PCDHGB1: variants seen among roughly 807,000 people sequenced by gnomAD.
PCDHGB1 encodes the protein protocadherin gamma-B1.
Under a neutral mutation model 56.6 loss-of-function variants are expected in PCDHGB1, and 34 were observed. The ratio of observed to expected loss-of-function variants is 0.60; its 90% CI spans 0.46 to 0.80. PCDHGB1 has a LOEUF of 0.80. Among genes scored for constraint, PCDHGB1 ranks in the 30% least tolerant of loss-of-function variants. The pLI, the probability that PCDHGB1 is intolerant of heterozygous loss-of-function variation, is 0.00. For synonymous variants in PCDHGB1, 561 were observed against 505.9 expected, an observed-to-expected ratio of 1.11 and a Z score of -1.46; for missense variants, 1,278 against 1,204.6, an observed-to-expected ratio of 1.06 and a Z score of -0.90.
intron 1 of PCDHGB1, chr5:141,385,009 T>G: frequency 6.2e-7 from 1 of 1,614,140 alleles, no homozygotes; most frequent in Non-Finnish European, 8.5e-7. Flanking sequence ...CTCCTGCGTC[T>G]TCCTAGCCTT....
At chr5:141,423,598 C>A in intron 1 of PCDHGB1, 1 of 1,612,940 alleles carries the variant, frequency 6.2e-7, no homozygotes, top group East Asian at 2.2e-5. Flanking sequence ...GAAAAGCGAG[C>A]CACTCTTGAT....
chr5:141,474,566 G>A (rs2154572064), intron 1 of PCDHGB1, among the ~76,000 whole-genome samples: 1 of 152,336 alleles, frequency 6.6e-6, no homozygotes, highest in Non-Finnish European at 1.5e-5. Flanking sequence ...GGTTTTCAGA[G>A]ATTAATTGAA....
rs2099883762 is a variant in PCDHGB1, at chr5:141,511,396, C to T, written c.*223C>T. 9.8e-7 allele frequency: 1 copy of T among 1,016,834 alleles called. No homozygotes were observed. Among genetic ancestry groups the T allele is most frequent in the South Asian group, 1.7e-5 (1 of 58,996 alleles). The allele number at this position is 1,016,834 out of a possible 1,614,324, so 63.0% of individuals were successfully genotyped here. ...AAGCAGTTCCGCTGGGAACCCCCAT[C>T]CAATCAACTGCTGTACCCATGGGGG... On this transcript the variant is annotated 3_prime_UTR_variant, in exon 4 of 4. Coordinates refer to ENST00000523390, the MANE Select transcript of PCDHGB1 (RefSeq NM_018922.3).
rs745698097 is a variant in PCDHGB1 at position 141,389,267 on chromosome 5, G to C, written c.2409+36598G>C. The C allele has an allele frequency of 3.0e-5, 48 of 1,613,890 alleles. No individual in the cohort carries two copies. The highest frequency in any genetic ancestry group is 4.0e-5 in the Non-Finnish European group (47 of 1,179,898). On this transcript the variant is annotated intron_variant, in intron 1 of 3. Coordinates refer to ENST00000523390, the MANE Select transcript of PCDHGB1 (RefSeq NM_018922.3). ...CTTCCTATATAGTCCACGTGGCCGA[G>C]AACAACCCGCCTGGAGCCTCTATTT...
At chr5:141,470,694 A>T (rs763715272) in intron 1 of PCDHGB1, among the ~76,000 whole-genome samples, 1 of 151,978 alleles carries the variant, frequency 6.6e-6, no homozygotes, top group African/African-American at 2.4e-5. Flanking sequence ...GAAATTCTTA[A>T]TAATTTTTAT....
chr5:141,384,703 G>C lies in PCDHGB1; in HGVS notation c.2409+32034G>C, dbSNP rs776947081. ...GGTGGACAAAGATTCAGGCCAGAAC[G>C]CCTGGCTGTCATACCTCCTGCTTAA... On this transcript the variant is annotated intron_variant, in intron 1 of 3. Transcript: ENST00000523390. 2 of 1,613,982 alleles carry C rather than the reference G, an allele frequency of 1.2e-6. No individual in the cohort carries two copies. Among genetic ancestry groups the C allele is most frequent in the African/African-American group, 1.3e-5 (1 of 74,932 alleles).
chr5:141,400,230 G>A, intron 1 of PCDHGB1: 3 of 1,613,992 alleles, frequency 1.9e-6, no homozygotes, highest in Non-Finnish European at 2.5e-6. Flanking sequence ...TCTTCCTCCT[G>A]GCCGTGATTC....
chr5:141,495,386 G>C (rs2099760934), intron 2 of PCDHGB1, among the ~76,000 whole-genome samples: 1 of 152,214 alleles, frequency 6.6e-6, no homozygotes, highest in Non-Finnish European at 1.5e-5. Context: ...GGACTGGGCG[G>C]GGCATGGAGC....
chr5:141,365,474 A>G, intron 1 of PCDHGB1: 1 of 1,614,006 alleles, frequency 6.2e-7, no homozygotes, highest in Non-Finnish European at 8.5e-7. Flanking sequence ...AAATGGTGAG[A>G]TTGCATGCTC....
chr5:141,445,890 T>C (rs1435563284), intron 1 of PCDHGB1, among the ~76,000 whole-genome samples: 1 of 152,210 alleles, frequency 6.6e-6, no homozygotes, highest in Non-Finnish European at 1.5e-5. Context: ...ACTTAGGAGC[T>C]ATTAAAATAT....
rs1199148713 is a variant in PCDHGB1, at chr5:141,350,631, A to G, written c.371A>G (p.Asn124Ser). ...GTGGTTGTTGTAATCCAAGATATTA[A>G]TGACAATGCACCACGTTTCGTTGCA... ...FHVVVVIQDI[N>S]DNAPRFVAKG... The change falls in exon 1 of 4, where the codon AAT becomes AGT. Residue 124 changes from asparagine (N) to serine (S), a missense_variant. Transcript: ENST00000523390. 1.9e-6 allele frequency: 3 copies of G among 1,613,932 alleles called. No individual in the cohort carries two copies. The highest frequency in any genetic ancestry group is 2.5e-6 in the Non-Finnish European group (3 of 1,179,900).
rs1041367498 is a variant in PCDHGB1 at position 141,489,060 on chromosome 5, T to G, written c.2410-5747T>G. ...CAGCTCCACTCAAATTCAGCTCCCCTCCCCCCTGCCCACCCCCGCCACTCG... is the reference window on the plus strand; with the variant it reads ...CAGCTCCACTCAAATTCAGCTCCCCGCCCCCCTGCCCACCCCCGCCACTCG... On this transcript the variant is annotated intron_variant, in intron 1 of 3. Transcript: ENST00000523390. This position sits in a 1 kb window ranked among gnomAD's most constrained non-coding sequence, Gnocchi z 4.5. The G allele has an allele frequency of 1.7e-5, 5 of 300,224 alleles. No individual in the cohort carries two copies. The highest frequency in any genetic ancestry group is 2.4e-5 in the African/African-American group (1 of 42,484). The allele number at this position is 300,224 out of a possible 1,614,324, so 18.6% of individuals were successfully genotyped here.
intron 1 of PCDHGB1, chr5:141,388,630 T>G (rs754073337): frequency 6.2e-7 from 1 of 1,613,816 alleles, no homozygotes; most frequent in Admixed American, 1.7e-5. Context: ...GTATACAGGG[T>G]GAGCCTTTCA....
chr5:141,467,693 G>A lies in PCDHGB1; in HGVS notation c.2410-27114G>A, dbSNP rs543886467. Among the ~76,000 whole-genome samples the A allele has an allele frequency of 2.0e-4, 30 of 152,110 alleles. No individual in the cohort carries two copies. In the South Asian group the frequency reaches 5.6e-3, roughly 28 times the overall value. On this transcript the variant is annotated intron_variant, in intron 1 of 3. Transcript: ENST00000523390. ...TTTTATTTTTTTTAGACAGGGTCTGGCTCTGTTGCCCAGGCTGGAGTGTAG... is the reference window on the plus strand; with the variant it reads ...TTTTATTTTTTTTAGACAGGGTCTGACTCTGTTGCCCAGGCTGGAGTGTAG...
rs1408846500 is a variant in PCDHGB1, at chr5:141,352,459, C to T, written c.2199C>T (p.Pro733=). 3 of 1,613,914 alleles carry T rather than the reference C, an allele frequency of 1.9e-6. No individual in the cohort carries two copies. Among genetic ancestry groups the T allele is most frequent in the East Asian group, 4.5e-5 (2 of 44,896 alleles). The change falls in exon 1 of 4, where the codon CCC becomes CCT. Residue 733 remains proline, a synonymous_variant. Transcript: ENST00000523390. The part of the protein sequence containing the change: ...FQTGLCSKSG[P]GVPPNHSEGT... ...CCGGTCTCTGCTCCAAGTCTGGGCC[C>T]GGGGTTCCTCCCAACCACAGCGAGG...
Position 141,485,210 on chromosome 5 carries a change from C to G in PCDHGB1, c.2410-9597C>G. 2 of 1,614,058 alleles carry G rather than the reference C, an allele frequency of 1.2e-6. No individual in the cohort carries two copies. The highest frequency in any genetic ancestry group is 1.7e-6 in the Non-Finnish European group (2 of 1,179,934). On this transcript the variant is annotated intron_variant, in intron 1 of 3. Transcript: ENST00000523390. The surrounding 1 kb of genome is among the most constrained non-coding windows in gnomAD (Gnocchi z 5.7). ...GGTGAGAAGCTGGACAGAAATCTGG[C>G]GGTGGGCTACCCTTTTGTTCCTCTT...
At chr5:141,415,793 T>C in intron 1 of PCDHGB1, 1 of 1,373,160 alleles carries the variant, frequency 7.3e-7, no homozygotes, top group Non-Finnish European at 9.4e-7. Context: ...AAAATTCACC[T>C]AGTCTCAATC....
intron 1 of PCDHGB1, chr5:141,375,274 A>G: frequency 1.9e-6 from 3 of 1,613,898 alleles, no homozygotes; most frequent in Non-Finnish European, 2.5e-6. Context: ...TGGAAAAATC[A>G]GTTGGCAATT....
intron 1 of PCDHGB1, among the ~76,000 whole-genome samples, chr5:141,370,104 TCTC>T (rs1276559358): frequency 6.6e-6 from 1 of 152,240 alleles, no homozygotes; most frequent in African/African-American, 2.4e-5. Context: ...TGCCGATTTT[TCTC>T]CTAACTAGCT....
Sources: allele counts gnomAD v4.1 joint callset (sites outside exome capture counted in the v4.1 genomes callset), GRCh38; gene constraint gnomAD v4.1.1; non-coding constraint Gnocchi (gnomAD v3.1); transcripts MANE v1.5; gene names NCBI Gene and HGNC (gene_info 2026-07-23, HGNC 2026-07-21).